The following COL11A1 variants were observed in gnomAD, a reference collection of about 807,000 sequenced individuals.
The protein encoded by COL11A1 is collagen alpha-1(XI) chain.
In COL11A1, 74 loss-of-function variants were observed where a neutral mutation model predicts 265.2. The observed-to-expected ratio is 0.28, with a 90% CI of 0.23 to 0.34. The LOEUF (loss-of-function observed/expected upper bound fraction) is 0.34, where lower values mean the gene tolerates loss of function less well. Among genes scored for constraint, COL11A1 ranks in the 10% least tolerant of loss-of-function variants. The probability of loss-of-function intolerance (pLI) is 1.00; values close to 1 mark genes in which losing one functional copy is unlikely to be tolerated. For missense variants in COL11A1, 2,165 were observed against 2,263.6 expected (o/e 0.96, Z 0.88); for synonymous variants, 816 against 727.6 (o/e 1.12, Z -1.96).
intron 24 of COL11A1, chr1:103,001,346 G>A (rs1222880707): frequency 5.0e-6 from 2 of 396,070 alleles, no homozygotes; most frequent in Admixed American, 4.4e-5. Flanking sequence ...GAAAAAAGGT[G>A]TTGGAAAGAG....
At chr1:103,082,673 C>T in intron 2 of COL11A1, 132 bp downstream of exon 2, 1 of 759,282 alleles carries the variant, frequency 1.3e-6, no homozygotes, top group Non-Finnish European at 2.1e-6. Context: ...TTGCATTTTA[C>T]CATATAATTG....
intron 14 of COL11A1, 149 bp downstream of exon 14, chr1:103,012,264 G>T (rs748571593): frequency 1.6e-6 from 1 of 640,180 alleles, no homozygotes; most frequent in Non-Finnish European, 2.8e-6. Flanking sequence ...ACTGAATTGA[G>T]AAGGATTTTT....
intron 41 of COL11A1, among the ~76,000 whole-genome samples, chr1:102,958,136 A>C (rs891793624): frequency 6.6e-6 from 1 of 152,128 alleles, no homozygotes; most frequent in African/African-American, 2.4e-5. Flanking sequence ...ATAAACTCAG[A>C]CATATACATT....
At chr1:103,021,134 A>C (rs976668294) in intron 9 of COL11A1, among the ~76,000 whole-genome samples, 34 of 150,864 alleles carry the variant, frequency 2.3e-4, no homozygotes, top group African/African-American at 8.2e-4. Context: ...ACAATGGCAA[A>C]ACCGCTTCCA....
chr1:103,014,973 CTA>C (rs1289602599), intron 12 of COL11A1, among the ~76,000 whole-genome samples: 3 of 151,992 alleles, frequency 2.0e-5, no homozygotes, highest in Middle Eastern at 3.2e-3. Flanking sequence ...AGCTCAATCT[CTA>C]TTTTGTTTGT....
intron 63 of COL11A1, among the ~76,000 whole-genome samples, chr1:102,885,106 C>T (rs1650800580): frequency 6.6e-6 from 1 of 151,974 alleles, no homozygotes; most frequent in South Asian, 2.1e-4. Flanking sequence ...CTTTTTTTGT[C>T]CAATATTATA....
intron 31 of COL11A1, among the ~76,000 whole-genome samples, chr1:102,982,295 A>T (rs1339610438): frequency 3.3e-5 from 5 of 152,074 alleles, no homozygotes; most frequent in Admixed American, 2.0e-4. Flanking sequence ...ACTTAGGGAA[A>T]AAACGGGATT....
At chr1:102,935,152 C>G (rs780688426) in intron 44 of COL11A1, 39 bp from the exon 45 acceptor site, 1 of 1,539,836 alleles carries the variant, frequency 6.5e-7, no homozygotes, top group East Asian at 2.3e-5. Context: ...TAAAGTGAAG[C>G]CAGAAGAGCC....
At chr1:103,006,525 C>CTT (rs1557935689) in intron 15 of COL11A1, among the ~76,000 whole-genome samples, 1 of 76,208 alleles carries the variant, frequency 1.3e-5, no homozygotes, top group Admixed American at 1.8e-4. Context: ...TAAATGGCTC[C>CTT]ATTTTTTTTT....
At chr1:102,885,943 C>CT (rs1170156452) in intron 63 of COL11A1, among the ~76,000 whole-genome samples, 1 of 151,784 alleles carries the variant, frequency 6.6e-6, no homozygotes, top group Non-Finnish European at 1.5e-5. Flanking sequence ...TTGTGACATC[C>CT]TTTTTTTTAT....
Position 103,012,344 on chromosome 1 carries a change from G to A in COL11A1, c.1629+69C>T, listed in dbSNP as rs570932475. 455 of 1,128,108 alleles carry A rather than the reference G, an allele frequency of 4.0e-4. 1 individual carries two copies. Among genetic ancestry groups the A allele is most frequent in the Non-Finnish European group, 5.4e-4 (401 of 743,086 alleles). The allele number at this position is 1,128,108 out of a possible 1,614,324, so 69.9% of individuals were successfully genotyped here. ...CAACCATAGATATGCACAATCCCTGGAAGAAGTTGCACAGGGAACTGCTAA... is the reference window on the plus strand; with the variant it reads ...CAACCATAGATATGCACAATCCCTGAAAGAAGTTGCACAGGGAACTGCTAA... On this transcript the variant is annotated intron_variant, in intron 14 of 66. Coordinates refer to ENST00000370096, the MANE Select transcript of COL11A1 (RefSeq NM_001854.4).
chr1:102,944,697 A>G (rs571995821), intron 42 of COL11A1, among the ~76,000 whole-genome samples: 2 of 152,262 alleles, frequency 1.3e-5, no homozygotes, highest in East Asian at 3.9e-4. Flanking sequence ...TATTCTTCAT[A>G]AATCTAAGGT....
chr1:102,995,145 T>C (rs905374854), intron 28 of COL11A1, among the ~76,000 whole-genome samples: 16 of 152,102 alleles, frequency 1.1e-4, no homozygotes, highest in African/African-American at 3.6e-4. Context: ...ACAGCTAAAC[T>C]CTATCACTGA....
intron 35 of COL11A1, 78 bp from the exon 36 acceptor site, chr1:102,974,961 A>G (rs1194003118): frequency 6.9e-6 from 7 of 1,017,052 alleles, no homozygotes; most frequent in Middle Eastern, 2.0e-4. Flanking sequence ...GTTTATTTAC[A>G]TAGACAAAAT....
chr1:103,085,034 C>T (rs1558039749), intron 1 of COL11A1, among the ~76,000 whole-genome samples: 1 of 152,126 alleles, frequency 6.6e-6, no homozygotes, highest in Non-Finnish European at 1.5e-5. Flanking sequence ...CAGTGAATGA[C>T]GGTGGTCATA....
chr1:102,951,491 A>T (rs1659872438), intron 41 of COL11A1, among the ~76,000 whole-genome samples: 1 of 152,082 alleles, frequency 6.6e-6, no homozygotes, highest in Admixed American at 6.5e-5. Context: ...AGGTCAGGAG[A>T]TTGAGACCAT....
At chr1:102,940,686 C>T (rs1034411883) in intron 42 of COL11A1, among the ~76,000 whole-genome samples, 2 of 151,992 alleles carry the variant, frequency 1.3e-5, no homozygotes, top group Non-Finnish European at 2.9e-5. Context: ...TTCAAACATG[C>T]AATTATTATA....
chr1:103,104,849 C>T (rs1202385232), intron 1 of COL11A1, among the ~76,000 whole-genome samples: 1 of 152,054 alleles, frequency 6.6e-6, no homozygotes, highest in Non-Finnish European at 1.5e-5. Context: ...ATTAAGGAAC[C>T]AAATGGACAA....
chr1:102,987,059 A>C (rs1663636918), intron 30 of COL11A1, among the ~76,000 whole-genome samples: 1 of 152,120 alleles, frequency 6.6e-6, no homozygotes, highest in Admixed American at 6.6e-5. Context: ...CTTTAATCAC[A>C]CATCCTTTAA....
Sources: allele counts gnomAD v4.1 joint callset (sites outside exome capture counted in the v4.1 genomes callset), GRCh38; gene constraint gnomAD v4.1.1; transcripts MANE v1.5; gene names NCBI Gene and HGNC (gene_info 2026-07-23, HGNC 2026-07-21).